The following GRID2 variants were observed in gnomAD, a reference collection of about 807,000 sequenced individuals.
The protein encoded by GRID2 is glutamate ionotropic receptor delta type subunit 2, also known as glutamate receptor ionotropic, delta-2.
Under a neutral mutation model 114.8 loss-of-function variants are expected in GRID2, and 33 were observed. That is an observed-to-expected ratio of 0.29 (90% CI 0.22 to 0.38). The LOEUF (loss-of-function observed/expected upper bound fraction) is 0.38, where lower values mean the gene tolerates loss of function less well. Among genes scored for constraint, GRID2 ranks in the 10% least tolerant of loss-of-function variants. The pLI is 1.00. For missense variants in GRID2, 1,184 were observed against 1,257.7 expected (o/e 0.94, Z 0.89); for synonymous variants, 505 against 449.9 (o/e 1.12, Z -1.55).
intron 2 of GRID2, among the ~76,000 whole-genome samples, chr4:92,756,400 A>G (rs985331196): frequency 2.0e-4 from 30 of 152,300 alleles, no homozygotes; most frequent in African/African-American, 7.2e-4. Flanking sequence ...CGCAATAAAC[A>G]TAGGGGTGCA....
chr4:92,921,920 G>T (rs1347547943), intron 2 of GRID2, among the ~76,000 whole-genome samples: 1 of 152,186 alleles, frequency 6.6e-6, no homozygotes, highest in Non-Finnish European at 1.5e-5. Context: ...GCTGCCTTTT[G>T]TATGGCTATG....
chr4:93,432,637 C>G (rs1769525683), intron 10 of GRID2, among the ~76,000 whole-genome samples: 1 of 152,076 alleles, frequency 6.6e-6, no homozygotes, highest in Admixed American at 6.6e-5. Context: ...AGGGGATTTT[C>G]AGGGCAATAA....
intron 1 of GRID2, among the ~76,000 whole-genome samples, chr4:92,330,880 A>G (rs1313528482): frequency 1.3e-5 from 2 of 152,166 alleles, no homozygotes; most frequent in Non-Finnish European, 2.9e-5. Flanking sequence ...AATGTATATG[A>G]AAATGATCTC....
In GRID2 at chr4:93,687,244, A is replaced by C. The variant is rs556060526; in HGVS notation, c.2360+60809A>C. Among the ~76,000 whole-genome samples the C allele has an allele frequency of 5.3e-5, 8 of 152,204 alleles. No homozygotes were observed. The East Asian group carries it at 1.4e-3, about 26-fold the overall frequency. On this transcript the variant is annotated intron_variant, in intron 14 of 15. Transcript: ENST00000282020. Reference sequence around the variant, plus strand: ...GAAAGATGGAGTACCATCAGTAGATATGGAAAATTGCAGAAATCCTAGGTT... The same window carrying C: ...GAAAGATGGAGTACCATCAGTAGATCTGGAAAATTGCAGAAATCCTAGGTT...
downstream of GRID2, chr4:93,774,676 G>T (rs1350028443): frequency 1.3e-5 from 2 of 152,100 alleles, no homozygotes; most frequent in Non-Finnish European, 2.9e-5. Flanking sequence ...ATCACATTAA[G>T]TTTTACTGGC....
At chr4:92,544,245 A>G (rs1217825335) in intron 1 of GRID2, among the ~76,000 whole-genome samples, 1 of 152,126 alleles carries the variant, frequency 6.6e-6, no homozygotes, top group Non-Finnish European at 1.5e-5. Flanking sequence ...AATTTAATGA[A>G]TTTTCTGAAA....
At chr4:92,616,772 T>C (rs1450240788) in intron 2 of GRID2, among the ~76,000 whole-genome samples, 2 of 151,636 alleles carry the variant, frequency 1.3e-5, no homozygotes, top group African/African-American at 2.4e-5. Flanking sequence ...ATTTAGATAA[T>C]ATATTATAGC....
intron 3 of GRID2, among the ~76,000 whole-genome samples, chr4:93,103,046 C>G (rs1369816415): frequency 1.3e-5 from 2 of 152,050 alleles, no homozygotes; most frequent in Non-Finnish European, 2.9e-5. Flanking sequence ...AATCCCCCTT[C>G]AAAACTGAAG....
rs56718756 is a variant in GRID2 at position 93,323,143 on chromosome 4, T to A, written c.1246-72464T>A. Among the ~76,000 whole-genome samples, 52 of 152,288 alleles carry A rather than the reference T, an allele frequency of 3.4e-4. 1 individual carries two copies. In the East Asian group the frequency reaches 8.7e-3, roughly 25 times the overall value. ...GCCCATGCTTCTGTCCTGAATGGTA[T>A]TGCCTAGGTTTTCTTCTAGGGTTTT... On this transcript the variant is annotated intron_variant, in intron 8 of 15. Coordinates refer to ENST00000282020, the MANE Select transcript of GRID2 (RefSeq NM_001510.4).
intron 2 of GRID2, among the ~76,000 whole-genome samples, chr4:92,820,107 C>T (rs939242757): frequency 1.3e-5 from 2 of 152,106 alleles, no homozygotes; most frequent in African/African-American, 2.4e-5. Context: ...TTCACATTCA[C>T]TTCTCATTTG....
intron 2 of GRID2, among the ~76,000 whole-genome samples, chr4:92,611,137 T>C (rs1000104784): frequency 1.5e-5 from 2 of 136,298 alleles, no homozygotes; most frequent in Non-Finnish European, 3.0e-5. Context: ...TGTGCATGTG[T>C]GTGTGTGCAT....
chr4:93,512,278 T>C lies in GRID2; in HGVS notation c.1998-2938T>C, dbSNP rs190851630. On this transcript the variant is annotated intron_variant, in intron 12 of 15. Transcript: ENST00000282020. ...ATTTTGACCTTCAGATACAAGTTTT[T>C]GAAGATTACCATTTGTTGAATGACC... 3.6e-3 allele frequency among the ~76,000 whole-genome samples: 542 copies of C among 152,330 alleles called. 2 individuals are homozygous for C. Among genetic ancestry groups the C allele is most frequent in the African/African-American group, 0.013 (520 of 41,580 alleles).
At chr4:93,095,305 A>C (rs960084375) in intron 3 of GRID2, among the ~76,000 whole-genome samples, 8 of 151,776 alleles carry the variant, frequency 5.3e-5, no homozygotes, top group Non-Finnish European at 8.8e-5. Context: ...GCCCCGGTTT[A>C]TGATGTTCCC....
chr4:92,351,076 T>C lies in GRID2; in HGVS notation c.88+46332T>C, dbSNP rs146705578. On this transcript the variant is annotated intron_variant, in intron 1 of 15. Coordinates refer to ENST00000282020, the MANE Select transcript of GRID2 (RefSeq NM_001510.4). The stretch of plus-strand genomic sequence containing the variant: ...CCACATATTGTTATCCATTCATCAG[T>C]TGATGAAAATTTGGGTTGTTTCCAC... 1.7e-3 allele frequency among the ~76,000 whole-genome samples: 254 copies of C among 152,038 alleles called. 5 individuals are homozygous for C. Among genetic ancestry groups the C allele is most frequent in the Admixed American group, 0.013 (196 of 15,254 alleles).
At chr4:93,051,854 G>C (rs536605615) in intron 2 of GRID2, among the ~76,000 whole-genome samples, 1 of 151,656 alleles carries the variant, frequency 6.6e-6, no homozygotes, top group Non-Finnish European at 1.5e-5. Context: ...TTTTTTTCCC[G>C]AGTTTTCTTT....
At chr4:93,185,832 G>T (rs540977981) in intron 4 of GRID2, among the ~76,000 whole-genome samples, 4 of 152,024 alleles carry the variant, frequency 2.6e-5, no homozygotes, top group African/African-American at 4.8e-5. Context: ...GTGCCGTGTT[G>T]GTTTGCTGCA....
At chr4:92,437,617 C>T (rs1022138774) in intron 1 of GRID2, among the ~76,000 whole-genome samples, 2 of 152,198 alleles carry the variant, frequency 1.3e-5, no homozygotes, top group South Asian at 2.1e-4. Context: ...CTGGAATCAA[C>T]GTCTTTAATA....
In GRID2 at chr4:93,725,839, T is replaced by A. The variant is rs1414060035; in HGVS notation, c.2361-43371T>A. ...ACTTGTTGATGGGGTTGTTTGTTTT[T>A]TTCTTGTAAATTTGTTTGAGTTCAT... is the stretch of plus-strand genomic sequence containing the variant. On this transcript the variant is annotated intron_variant, in intron 14 of 15. Transcript: ENST00000282020. Among the ~76,000 whole-genome samples the A allele has an allele frequency of 2.0e-5, 3 of 152,306 alleles. 1 individual carries two copies. The highest frequency in any genetic ancestry group is 2.0e-4 in the Admixed American group (3 of 15,306).
intron 8 of GRID2, among the ~76,000 whole-genome samples, chr4:93,294,348 C>T (rs1754064538): frequency 6.6e-6 from 1 of 152,000 alleles, no homozygotes; most frequent in African/African-American, 2.4e-5. Context: ...AAGAAGCTTC[C>T]AGATGGTTTG....
Sources: gnomAD v4.1 joint callset for allele counts (sites outside exome capture counted in the v4.1 genomes callset) on GRCh38, gnomAD v4.1.1 for gene constraint, MANE v1.5 for transcripts, NCBI Gene and HGNC (gene_info 2026-07-23, HGNC 2026-07-21) for gene names.